Variants in PUS7L observed in about 807,000 individuals in gnomAD.
PUS7L encodes pseudouridine synthase 7 like, also known as pseudouridylate synthase PUS7L.
Under a neutral mutation model 51.1 loss-of-function variants are expected in PUS7L, and 49 were observed. The observed-to-expected ratio is 0.96, with a 90% CI of 0.76 to 1.22. PUS7L has a LOEUF of 1.22. PUS7L is among the 50% of genes most tolerant of loss of function. The pLI is 0.00. For synonymous variants in PUS7L, 277 were observed against 276.2 expected, an observed-to-expected ratio of 1.00 and a Z score of -0.03; for missense variants, 828 against 820.6, an observed-to-expected ratio of 1.01 and a Z score of -0.11.
chr12:43,742,063 T>G (rs915470616), intron 5 of PUS7L, among the ~76,000 whole-genome samples: 11 of 152,268 alleles, frequency 7.2e-5, no homozygotes, highest in African/African-American at 2.7e-4. Flanking sequence ...TTTGAACTAG[T>G]CAGATTTTGT....
chr12:43,742,784 C>T (rs1973138), intron 4 of PUS7L: 3 of 330,786 alleles, frequency 9.1e-6, no homozygotes, highest in Non-Finnish European at 1.3e-5. Flanking sequence ...TTTAAAAATA[C>T]GTCAGCTTTC....
rs769217543 is a variant in PUS7L at position 43,731,772 on chromosome 12, A to G, written c.1726-14T>C. ...TACCAGGTGAATCTAGTTTTAAAAA[A>G]CATGAAAATATGAATGATTCCCAAA... On this transcript the variant is annotated splice_polypyrimidine_tract_variant and intron_variant, in intron 7 of 8. Transcript: ENST00000344862. The G allele has an allele frequency of 6.6e-7, 1 of 1,508,410 alleles. No homozygotes were observed. Among genetic ancestry groups the G allele is most frequent in the Admixed American group, 1.7e-5 (1 of 57,478 alleles). 93.4% of individuals were successfully genotyped at this position (1,508,410 alleles called of 1,614,324 possible). A position where few individuals can be genotyped will look rare whatever the true frequency, so the allele number is the denominator to read the frequency against.
intron 4 of PUS7L, among the ~76,000 whole-genome samples, chr12:43,743,535 C>G (rs10880559): frequency 0.15 from 22,992 of 152,148 alleles, 2,377 homozygotes; most frequent in African/African-American, 0.29. Flanking sequence ...AGGCCAAGGC[C>G]GGCGGATCAC....
Position 43,730,181 on chromosome 12 carries a change from G to A in PUS7L, c.*195C>T. On this transcript the variant is annotated 3_prime_UTR_variant, in exon 9 of 9. Transcript: ENST00000344862. ...AAAACACAGGCTTTGGGGTCACATGGACCTTAAATTTGGACCCTGACACTT... is the reference window on the plus strand; with the variant it reads ...AAAACACAGGCTTTGGGGTCACATGAACCTTAAATTTGGACCCTGACACTT... 1 of 547,864 alleles carries A rather than the reference G, an allele frequency of 1.8e-6. No homozygotes were observed. Among genetic ancestry groups the A allele is most frequent in the East Asian group, 2.9e-5 (1 of 35,038 alleles). 33.9% of individuals were successfully genotyped at this position (547,864 alleles called of 1,614,324 possible). A position where few individuals can be genotyped will look rare whatever the true frequency, so the allele number is the denominator to read the frequency against.
Position 43,754,378 on chromosome 12 carries a change from T to A in PUS7L, c.868A>T (p.Arg290Trp), listed in dbSNP as rs776921823. The change falls in exon 2 of 9, where the codon AGG becomes TGG. Residue 290 changes from arginine to tryptophan, a missense_variant. Arg to Trp is a moderately radical substitution (Grantham distance 101). Transcript: ENST00000344862. ...CCTTCTTGGCATTCAGAAAGAGGCCTTTTCCCACGTTTGTGTGCTTTTTCC... is the reference window on the plus strand; with the variant it reads ...CCTTCTTGGCATTCAGAAAGAGGCCATTTCCCACGTTTGTGTGCTTTTTCC... The part of the protein sequence containing the change: ...FREKAHKRGK[R>W]PLSECQEGKV... 21 of 1,606,064 alleles carry A rather than the reference T, an allele frequency of 1.3e-5. No individual in the cohort carries two copies. In the Admixed American group the frequency reaches 3.6e-4, roughly 28 times the overall value.
At position 43,746,195 on chromosome 12, in the gene PUS7L, C is replaced by T. The variant is rs1451416559; in HGVS notation, c.1114G>A (p.Val372Ile). The change falls in exon 4 of 9, where the codon GTC (valine) becomes ATC (isoleucine). Residue 372 changes from valine (V) to isoleucine (I), a missense_variant. Val to Ile is a conservative substitution (Grantham distance 29). Coordinates refer to ENST00000344862, the MANE Select transcript of PUS7L (RefSeq NM_031292.5). Reference protein sequence around the residue: ...EKEIEKKRMNVFNIRSVDDSL... With the variant: ...EKEIEKKRMNIFNIRSVDDSL... The stretch of plus-strand genomic sequence containing the variant: ...TCATCTACAGACCGAATATTAAAGA[C>T]ATTCATTCTTTTCTTTTCAATTTCT... 6.7e-7 allele frequency: 1 copy of T among 1,482,254 alleles called. No homozygotes were observed. Among genetic ancestry groups the T allele is most frequent in the Non-Finnish European group, 9.2e-7 (1 of 1,083,704 alleles). The allele number at this position is 1,482,254 out of a possible 1,614,324, so 91.8% of individuals were successfully genotyped here. A position where few individuals can be genotyped will look rare whatever the true frequency, so the allele number is the denominator to read the frequency against.
At chr12:43,740,465 C>G (rs1252477457) in intron 5 of PUS7L, among the ~76,000 whole-genome samples, 1 of 152,102 alleles carries the variant, frequency 6.6e-6, no homozygotes, top group African/African-American at 2.4e-5. Context: ...TATAATAAAA[C>G]TTAAGATGGG....
intron 7 of PUS7L, among the ~76,000 whole-genome samples, chr12:43,732,116 C>T (rs1944570601): frequency 6.6e-6 from 1 of 151,538 alleles, no homozygotes; most frequent in Admixed American, 6.6e-5. Flanking sequence ...CACTACCCAC[C>T]CCCACTAATC....
chr12:43,742,627 T>G, intron 4 of PUS7L, 72 bp from the exon 5 acceptor site: 1 of 1,471,206 alleles, frequency 6.8e-7, no homozygotes, highest in Non-Finnish European at 9.0e-7. Context: ...ACAATTGAAT[T>G]TTTCTCTTCA....
chr12:43,736,249 G>A (rs1030774634), intron 7 of PUS7L, 132 bp downstream of exon 7: 2 of 754,314 alleles, frequency 2.7e-6, no homozygotes, highest in African/African-American at 1.8e-5. Flanking sequence ...AGCAGGAGAT[G>A]AGTAAATATA....
rs1944518351 is a variant in PUS7L, at chr12:43,730,288, T to C, written c.*88A>G. 3 of 857,576 alleles carry C rather than the reference T, an allele frequency of 3.5e-6. No homozygotes were observed. The highest frequency in any genetic ancestry group is 5.5e-6 in the Non-Finnish European group (3 of 548,630). 53.1% of individuals were successfully genotyped at this position (857,576 alleles called of 1,614,324 possible). Reference sequence around the variant, plus strand: ...ATTAAAAGAGATAACAATTATGAAGTTCCTAACACATGGAAGGTGCTTAAG... The same window carrying C: ...ATTAAAAGAGATAACAATTATGAAGCTCCTAACACATGGAAGGTGCTTAAG... On this transcript the variant is annotated 3_prime_UTR_variant, in exon 9 of 9. Transcript: ENST00000344862.
At chr12:43,746,431 A>G (rs1223289309) in intron 3 of PUS7L, among the ~76,000 whole-genome samples, 193 bp from the exon 4 acceptor site, 2 of 152,222 alleles carry the variant, frequency 1.3e-5, no homozygotes, top group Admixed American at 6.5e-5. Context: ...TTGCATTAAC[A>G]GAACTATTTT....
At chr12:43,751,540 T>C (rs1938444689) in intron 2 of PUS7L, among the ~76,000 whole-genome samples, 2 of 152,328 alleles carry the variant, frequency 1.3e-5, no homozygotes, top group South Asian at 2.1e-4. Flanking sequence ...TCATTTTTTA[T>C]GGCTGCATAG....
chr12:43,758,652 T>TGGGGGGGGGGGGGGGGGGG, intron 1 of PUS7L, 78 bp downstream of exon 1: 2 of 708,236 alleles, frequency 2.8e-6, no homozygotes, highest in Non-Finnish European at 1.6e-6. Context: ...GCCAACCTCG[T>TGGGGGGGGGGGGGGGGGGG]CACCCCCCCC....
At chr12:43,756,312 G>T (rs1938697259) in intron 1 of PUS7L, among the ~76,000 whole-genome samples, 1 of 151,920 alleles carries the variant, frequency 6.6e-6, no homozygotes, top group South Asian at 2.1e-4. Flanking sequence ...ATTTCTTCAG[G>T]CTGCTTCTTC....
At chr12:43,748,009 G>A (rs909001673) in intron 3 of PUS7L, among the ~76,000 whole-genome samples, 6 of 152,080 alleles carry the variant, frequency 3.9e-5, no homozygotes, top group African/African-American at 1.2e-4. Context: ...GGCTGGTCTC[G>A]AACTCCTAAC....
Position 43,754,453 on chromosome 12 carries a change from T to G in PUS7L, c.793A>C (p.Met265Leu). ...NLVETKSFSK[M>L]NCSAGNPNVV... is the part of the protein sequence containing the mutation. The stretch of plus-strand genomic sequence containing the variant: ...TTCGGATTACCAGCACTGCAATTCA[T>G]TTTAGAAAAAGATTTGGTTTCCACA... Residue 265 changes from methionine (M) to leucine (L), a missense_variant, in exon 2 of 9, where the codon ATG (methionine) becomes CTG (leucine). Transcript: ENST00000344862. The G allele has an allele frequency of 6.2e-7, 1 of 1,613,896 alleles. No homozygotes were observed. The highest frequency in any genetic ancestry group is 8.5e-7 in the Non-Finnish European group (1 of 1,179,790).
chr12:43,735,724 A>C (rs1944670549), intron 7 of PUS7L, among the ~76,000 whole-genome samples: 2 of 152,144 alleles, frequency 1.3e-5, no homozygotes, highest in Admixed American at 1.3e-4. Flanking sequence ...TCTCTGGAGG[A>C]AGCACAGGGA....
intron 3 of PUS7L, among the ~76,000 whole-genome samples, chr12:43,746,645 C>T (rs1938185486): frequency 6.6e-6 from 1 of 152,186 alleles, no homozygotes; most frequent in Non-Finnish European, 1.5e-5. Context: ...TCTGCTCTGA[C>T]CACTTCCTTA....
Sources: gnomAD v4.1 joint callset for allele counts (sites outside exome capture counted in the v4.1 genomes callset) on GRCh38, gnomAD v4.1.1 for gene constraint, MANE v1.5 for transcripts, NCBI Gene and HGNC (gene_info 2026-07-23, HGNC 2026-07-21) for gene names.